The following DTNA variants were observed in gnomAD, a reference collection of about 807,000 sequenced individuals.
The protein encoded by DTNA is dystrophin-related protein 3.
In DTNA, 43 loss-of-function variants were observed where a neutral mutation model predicts 100.7. The observed-to-expected ratio is 0.43, with a 90% confidence interval of 0.33 to 0.55. DTNA has a LOEUF of 0.55. Among genes scored for constraint, DTNA ranks in the 20% least tolerant of loss-of-function variants. The pLI, the probability that DTNA is intolerant of heterozygous loss-of-function variation, is 0.04. For synonymous variants in DTNA, 349 were observed against 347.9 expected, an observed-to-expected ratio of 1.00 and a Z score of -0.04; for missense variants, 798 against 953.9, an observed-to-expected ratio of 0.84 and a Z score of 2.15.
intron 10 of DTNA, 149 bp downstream of exon 10, chr18:34,827,825 T>A: frequency 1.2e-6 from 1 of 835,760 alleles, no homozygotes; most frequent in Non-Finnish European, 1.9e-6. Context: ...TTCAATTTCA[T>A]TCATTTGTAT....
At chr18:34,748,153 T>C (rs779576811) in intron 1 of DTNA, among the ~76,000 whole-genome samples, 4 of 152,116 alleles carry the variant, frequency 2.6e-5, no homozygotes, top group Non-Finnish European at 4.4e-5. Flanking sequence ...TTGATGGGAT[T>C]AGTTGTTATT....
At chr18:34,710,087 T>C (rs1306682180), upstream of DTNA, among the ~76,000 whole-genome samples, 1 of 152,228 alleles carries the variant, frequency 6.6e-6, no homozygotes, top group Non-Finnish European at 1.5e-5. Flanking sequence ...CTGTTATTTT[T>C]TTCTTGTTCA....
In DTNA at chr18:34,851,185, C is replaced by A. The variant is rs575809713; in HGVS notation, c.1435-646C>A. Among the ~76,000 whole-genome samples the A allele has an allele frequency of 9.5e-4, 145 of 152,278 alleles. 1 individual carries two copies. Among genetic ancestry groups the A allele is most frequent in the African/African-American group, 3.3e-3 (138 of 41,554 alleles). On this transcript the variant is annotated intron_variant, in intron 14 of 22. Transcript: ENST00000444659. The stretch of plus-strand genomic sequence containing the variant: ...GTGGCATGACCTCAGCTCACTGCAA[C>A]CTCCACCTCGGGCTCAAGCAATTCT...
intron 18 of DTNA, among the ~76,000 whole-genome samples, chr18:34,876,195 A>G (rs1407231809): frequency 2.0e-5 from 3 of 152,190 alleles, no homozygotes; most frequent in Non-Finnish European, 4.4e-5. Context: ...TTTCACACAA[A>G]TAGGATCATG....
At chr18:34,844,757 C>T (rs777667743) in intron 13 of DTNA, among the ~76,000 whole-genome samples, 18 of 152,236 alleles carry the variant, frequency 1.2e-4, no homozygotes, top group Admixed American at 2.6e-4. Context: ...ACTACCCTAA[C>T]TTAGAAAGCA....
intron 1 of DTNA, among the ~76,000 whole-genome samples, chr18:34,630,837 T>C (rs1015046406): frequency 8.5e-5 from 13 of 152,138 alleles, no homozygotes; most frequent in Admixed American, 1.3e-4. Flanking sequence ...ATATATGTGT[T>C]TGGAATTCAG....
At chr18:34,844,899 C>A (rs1268463975) in intron 13 of DTNA, among the ~76,000 whole-genome samples, 2 of 152,118 alleles carry the variant, frequency 1.3e-5, no homozygotes, top group Non-Finnish European at 2.9e-5. Flanking sequence ...ATTTTGAAAT[C>A]ACTGGCAACA....
At chr18:34,534,386 A>G (rs919531297) in intron 1 of DTNA, among the ~76,000 whole-genome samples, 3 of 152,100 alleles carry the variant, frequency 2.0e-5, no homozygotes, top group African/African-American at 7.2e-5. Flanking sequence ...TGAAAGGTTT[A>G]AAATAATGTG....
intron 1 of DTNA, among the ~76,000 whole-genome samples, chr18:34,727,913 T>G (rs1242183611): frequency 6.6e-6 from 1 of 152,026 alleles, no homozygotes; most frequent in African/African-American, 2.4e-5. Flanking sequence ...ATGTTTTTTA[T>G]AAAATGCCAT....
chr18:34,549,276 A>G (rs1025712630), intron 1 of DTNA, among the ~76,000 whole-genome samples: 1 of 152,082 alleles, frequency 6.6e-6, no homozygotes, highest in African/African-American at 2.4e-5. Flanking sequence ...TTTAAATCCC[A>G]TCATACAAGG....
intron 1 of DTNA, among the ~76,000 whole-genome samples, chr18:34,567,788 T>G (rs1482605158): frequency 6.6e-6 from 1 of 152,210 alleles, no homozygotes; most frequent in Non-Finnish European, 1.5e-5. Context: ...TATTTTCTAC[T>G]CTTTTATATT....
At chr18:34,876,904 A>G (rs2096824308) in intron 18 of DTNA, among the ~76,000 whole-genome samples, 1 of 152,212 alleles carries the variant, frequency 6.6e-6, no homozygotes, top group South Asian at 2.1e-4. Flanking sequence ...TGTGATTTCC[A>G]TTATAATTAA....
chr18:34,656,850 A>G (rs1292893075), intron 1 of DTNA, among the ~76,000 whole-genome samples: 1 of 152,050 alleles, frequency 6.6e-6, no homozygotes, highest in Non-Finnish European at 1.5e-5. Flanking sequence ...ATTTTACGTA[A>G]TCTTTTTATA....
At chr18:34,558,873 G>T (rs1050281299) in intron 1 of DTNA, among the ~76,000 whole-genome samples, 19 of 152,198 alleles carry the variant, frequency 1.2e-4, no homozygotes, top group Admixed American at 2.6e-4. Context: ...AGGAAGCAAT[G>T]CTAAGAGATG....
At chr18:34,766,832 G>T (rs1050894521) in intron 3 of DTNA, among the ~76,000 whole-genome samples, 13 of 152,118 alleles carry the variant, frequency 8.5e-5, no homozygotes, top group Admixed American at 3.3e-4. Flanking sequence ...TTAGCTCTTT[G>T]TGTCAGAGTT....
chr18:34,727,406 A>G (rs528692036), intron 1 of DTNA, among the ~76,000 whole-genome samples: 4 of 152,318 alleles, frequency 2.6e-5, no homozygotes, highest in African/African-American at 7.2e-5. Flanking sequence ...ATAAACAAGG[A>G]TACTGATCCC....
chr18:34,725,453 T>G (rs2086423436), intron 1 of DTNA, among the ~76,000 whole-genome samples: 1 of 150,304 alleles, frequency 6.7e-6, no homozygotes. Flanking sequence ...GAACAGACAC[T>G]TCTCAAAAGA....
At chr18:34,861,571 A>G (rs930302943) in intron 16 of DTNA, among the ~76,000 whole-genome samples, 1 of 151,816 alleles carries the variant, frequency 6.6e-6, no homozygotes, top group Non-Finnish European at 1.5e-5. Context: ...CTATCAGAAT[A>G]AAGGCACTTC....
intron 3 of DTNA, among the ~76,000 whole-genome samples, chr18:34,766,917 G>GT (rs888665650): frequency 4.7e-5 from 7 of 150,070 alleles, no homozygotes; most frequent in Non-Finnish European, 7.4e-5. Context: ...ACTTGCTCCA[G>GT]TTTTTTTTTC....
Sources: allele counts gnomAD v4.1 joint callset (sites outside exome capture counted in the v4.1 genomes callset), GRCh38; gene constraint gnomAD v4.1.1; transcripts MANE v1.5; gene names NCBI Gene and HGNC (gene_info 2026-07-23, HGNC 2026-07-21).